The following MTPAP variants were observed in gnomAD, a reference collection of about 807,000 sequenced individuals.
The protein encoded by MTPAP is poly(A) RNA polymerase, mitochondrial.
Under a neutral mutation model 48.7 loss-of-function variants are expected in MTPAP, and 23 were observed. That is an observed-to-expected ratio of 0.47 (90% CI 0.34 to 0.67). MTPAP has a LOEUF of 0.67. MTPAP is among the 30% of genes least tolerant of loss of function. MTPAP has a pLI of 0.01. For synonymous variants in MTPAP, 257 were observed against 254.1 expected, an observed-to-expected ratio of 1.01 and a Z score of -0.11; for missense variants, 614 against 694.3, an observed-to-expected ratio of 0.88 and a Z score of 1.30.
chr10:30,330,620 T>C (rs1458389566), intron 4 of MTPAP, among the ~76,000 whole-genome samples: 5 of 152,222 alleles, frequency 3.3e-5, no homozygotes, highest in Non-Finnish European at 7.3e-5. Context: ...TGGTGAACTG[T>C]GAACCATGAG....
chr10:30,324,352 T>TA, intron 5 of MTPAP, among the ~76,000 whole-genome samples: 1 of 151,684 alleles, frequency 6.6e-6, no homozygotes, highest in Non-Finnish European at 1.5e-5. Context: ...TTTATAAAAA[T>TA]AAAAAATGTA....
intron 4 of MTPAP, among the ~76,000 whole-genome samples, chr10:30,333,798 C>A (rs953727314): frequency 6.6e-6 from 1 of 151,914 alleles, no homozygotes; most frequent in Non-Finnish European, 1.5e-5. Context: ...CTCAATCACA[C>A]GGGTGAGGCA....
chr10:30,339,857 A>G, intron 3 of MTPAP: 1 of 236,574 alleles, frequency 4.2e-6, no homozygotes. Context: ...ACTTGACATG[A>G]GGAAATCTAC....
Position 30,322,317 on chromosome 10 carries a change from T to C in MTPAP, c.1219+74A>G, listed in dbSNP as rs1840734807. On this transcript the variant is annotated intron_variant, in intron 6 of 8. Coordinates refer to ENST00000263063, the MANE Select transcript of MTPAP (RefSeq NM_018109.4). ...GACTAATAAACAAATAGACGGGACT[T>C]TGGTAACACATGGTAATTATATTTA... is the stretch of plus-strand genomic sequence containing the variant. 3.2e-6 allele frequency: 4 copies of C among 1,251,716 alleles called. No homozygotes were observed. The East Asian group carries it at 7.0e-5, about 22-fold the overall frequency. 77.5% of individuals were successfully genotyped at this position (1,251,716 alleles called of 1,614,324 possible).
chr10:30,313,459 C>T lies in MTPAP; in HGVS notation c.*150G>A. 9.2e-7 allele frequency: 1 copy of T among 1,091,062 alleles called. No homozygotes were observed. Among genetic ancestry groups the T allele is most frequent in the South Asian group, 1.4e-5 (1 of 73,434 alleles). 67.6% of individuals were successfully genotyped at this position (1,091,062 alleles called of 1,614,324 possible). On this transcript the variant is annotated 3_prime_UTR_variant, in exon 9 of 9. Coordinates refer to ENST00000263063, the MANE Select transcript of MTPAP (RefSeq NM_018109.4). ...TCAAACTGAAAACATCCCAGAACTTCAGACCAGGTTAAGGGGGCCAATGAG... is the reference window on the plus strand; with the variant it reads ...TCAAACTGAAAACATCCCAGAACTTTAGACCAGGTTAAGGGGGCCAATGAG...
intron 1 of MTPAP, among the ~76,000 whole-genome samples, chr10:30,344,944 T>G (rs1414602396): frequency 1.3e-5 from 2 of 152,184 alleles, no homozygotes; most frequent in African/African-American, 4.8e-5. Context: ...CCTCAGGTGA[T>G]CCTCCTGCCT....
chr10:30,323,650 C>T (rs1840754971), intron 5 of MTPAP, among the ~76,000 whole-genome samples: 2 of 151,972 alleles, frequency 1.3e-5, no homozygotes, highest in Non-Finnish European at 2.9e-5. Flanking sequence ...GCTGGGACTA[C>T]AGGCGCCCAC....
At chr10:30,338,704 A>T (rs55957963) in intron 3 of MTPAP, among the ~76,000 whole-genome samples, 2 of 152,210 alleles carry the variant, frequency 1.3e-5, no homozygotes, top group Non-Finnish European at 2.9e-5. Context: ...ATAAAAGTAA[A>T]GGAAATAGAT....
chr10:30,346,147 A>G (rs961876697), intron 1 of MTPAP, among the ~76,000 whole-genome samples: 2 of 152,290 alleles, frequency 1.3e-5, no homozygotes, highest in South Asian at 2.1e-4. Context: ...GCAGTTTTAT[A>G]AAAGAGGCCT....
At chr10:30,332,549 C>A (rs558982095) in intron 4 of MTPAP, among the ~76,000 whole-genome samples, 1 of 152,298 alleles carries the variant, frequency 6.6e-6, no homozygotes, top group South Asian at 2.1e-4. Context: ...CCGACTTGGC[C>A]TCCCAAAGTG....
chr10:30,327,121 T>C (rs1019676415), intron 4 of MTPAP, among the ~76,000 whole-genome samples: 1 of 152,010 alleles, frequency 6.6e-6, no homozygotes, highest in Non-Finnish European at 1.5e-5. Flanking sequence ...AGGCCACAAA[T>C]TACTAGGGGA....
rs772580325 is a variant in MTPAP, at chr10:30,341,523, A to C, written c.275T>G (p.Leu92Arg). 1.2e-6 allele frequency: 2 copies of C among 1,614,038 alleles called. No individual in the cohort carries two copies. Among genetic ancestry groups the C allele is most frequent in the East Asian group, 2.2e-5 (1 of 44,864 alleles). Residue 92 changes from leucine (L) to arginine (R), a missense_variant, in exon 2 of 9, where the codon CTT (leucine) becomes CGT (arginine). Coordinates refer to ENST00000263063, the MANE Select transcript of MTPAP (RefSeq NM_018109.4). Reference sequence around the variant, plus strand: ...AGGTCCAAATTGGGATAAATATTTAAGAAACTTGTTTTCACTGATTTTCTC... The same window carrying C: ...AGGTCCAAATTGGGATAAATATTTACGAAACTTGTTTTCACTGATTTTCTC... ...CPEKISENKF[L>R]KYLSQFGPIN...
At chr10:30,328,691 T>G (rs1045503653) in intron 4 of MTPAP, among the ~76,000 whole-genome samples, 6 of 152,010 alleles carry the variant, frequency 3.9e-5, no homozygotes, top group African/African-American at 1.5e-4. Context: ...ACTGTAGGAG[T>G]GTACCCCACA....
chr10:30,341,340 A>G, intron 2 of MTPAP, 128 bp downstream of exon 2: 5 of 1,183,434 alleles, frequency 4.2e-6, no homozygotes, highest in Non-Finnish European at 4.6e-6. Flanking sequence ...ATCTAGATAA[A>G]GAAGATGCAG....
chr10:30,344,057 T>G (rs1287100648), intron 1 of MTPAP, among the ~76,000 whole-genome samples: 1 of 152,252 alleles, frequency 6.6e-6, no homozygotes, highest in Non-Finnish European at 1.5e-5. Flanking sequence ...ATGGTCTTTT[T>G]TTTTTAAGTC....
chr10:30,334,339 C>T (rs980326262), intron 4 of MTPAP, among the ~76,000 whole-genome samples: 2 of 152,046 alleles, frequency 1.3e-5, no homozygotes, highest in African/African-American at 2.4e-5. Flanking sequence ...TTTACAAGTG[C>T]CTTCTATTAC....
chr10:30,340,445 G>A lies in MTPAP; in HGVS notation c.336C>T (p.Leu112=), dbSNP rs748175626. The change falls in exon 3 of 9, where the codon CTC becomes CTT. Residue 112 remains leucine (L), a synonymous_variant. Transcript: ENST00000263063. ...NNHFFYESFG[L]YAVVEFCQKE... ...TTTGGCAAAATTCTACGACAGCATA[G>A]AGACCCTATACCAAAAACATAAGAA... 6.2e-7 allele frequency: 1 copy of A among 1,612,592 alleles called. No homozygotes were observed. The highest frequency in any genetic ancestry group is 8.5e-7 in the Non-Finnish European group (1 of 1,178,652).
intron 4 of MTPAP, among the ~76,000 whole-genome samples, chr10:30,336,361 G>A (rs568241181): frequency 2.1e-4 from 32 of 152,140 alleles, no homozygotes; most frequent in Admixed American, 6.5e-4. Context: ...TATGATGATC[G>A]TATACCTATA....
chr10:30,335,767 T>C (rs1240172882), intron 4 of MTPAP, among the ~76,000 whole-genome samples: 2 of 152,132 alleles, frequency 1.3e-5, no homozygotes, highest in Non-Finnish European at 2.9e-5. Context: ...CCCAGCACTT[T>C]AGGAGGCCGA....
Sources: allele counts gnomAD v4.1 joint callset (sites outside exome capture counted in the v4.1 genomes callset), GRCh38; gene constraint gnomAD v4.1.1; transcripts MANE v1.5; gene names NCBI Gene and HGNC (gene_info 2026-07-23, HGNC 2026-07-21).